The following ELFN1 variants were observed in gnomAD, a reference collection of about 807,000 sequenced individuals.
ELFN1 encodes extracellular leucine rich repeat and fibronectin type III domain containing 1.
In ELFN1, 6 loss-of-function variants were observed where a neutral mutation model predicts 7.6. The observed-to-expected ratio is 0.79, with a 90% confidence interval of 0.43 to 1.56. The LOEUF is 1.56. Ranked by LOEUF, ELFN1 falls within the 40% of genes most tolerant of loss-of-function variation. The pLI, the probability that ELFN1 is intolerant of heterozygous loss-of-function variation, is 0.01. For missense variants in ELFN1, 1,169 were observed against 1,232.2 expected (o/e 0.95, Z 0.77); for synonymous variants, 657 against 588.1 (o/e 1.12, Z -1.70).
intron 1 of ELFN1, among the ~76,000 whole-genome samples, chr7:1,677,337 C>T (rs1404315581): frequency 2.0e-5 from 3 of 152,176 alleles, no homozygotes; most frequent in Admixed American, 2.0e-4. Flanking sequence ...AAGTGGGGCT[C>T]AGGGCCCATT....
At chr7:1,710,365 G>C (rs774189517) in intron 3 of ELFN1, among the ~76,000 whole-genome samples, 8 of 152,218 alleles carry the variant, frequency 5.3e-5, no homozygotes, top group Non-Finnish European at 1.2e-4. Context: ...CTTTTAGAGG[G>C]AGGTATCTCA....
intron 3 of ELFN1, among the ~76,000 whole-genome samples, chr7:1,743,948 A>G (rs1412115564): frequency 6.6e-6 from 1 of 152,144 alleles, no homozygotes; most frequent in East Asian, 1.9e-4. Flanking sequence ...GGTTGCGCCG[A>G]GAGTGAAATG....
intron 3 of ELFN1, among the ~76,000 whole-genome samples, chr7:1,732,097 G>C (rs1386108073): frequency 2.6e-5 from 4 of 152,222 alleles, no homozygotes; most frequent in African/African-American, 9.6e-5. Context: ...TCTAGGTGGA[G>C]ATAGATGGGA....
upstream of ELFN1, among the ~76,000 whole-genome samples, chr7:1,666,566 C>A (rs528533157): frequency 9.2e-5 from 14 of 152,086 alleles, no homozygotes; most frequent in South Asian, 2.9e-3. This position sits in a 1 kb window ranked among gnomAD's most constrained non-coding sequence, Gnocchi z 7.9. Context: ...ACCCCTAGGG[C>A]TAGGGAGGCG....
At chr7:1,677,584 A>G (rs561965024) in intron 1 of ELFN1, among the ~76,000 whole-genome samples, 1 of 152,214 alleles carries the variant, frequency 6.6e-6, no homozygotes, top group Admixed American at 6.5e-5. Flanking sequence ...ACACACGTGC[A>G]TGAACTCACG....
chr7:1,667,969 G>C (rs951652421), upstream of ELFN1, among the ~76,000 whole-genome samples: 13 of 143,470 alleles, frequency 9.1e-5, no homozygotes, highest in Non-Finnish European at 1.9e-4. This position sits in a 1 kb window ranked among gnomAD's most constrained non-coding sequence, Gnocchi z 8.2. Context: ...TCGGGGTGGG[G>C]GGGGGGGGCG....
At chr7:1,743,728 G>A (rs529220521) in intron 3 of ELFN1, among the ~76,000 whole-genome samples, 4 of 152,206 alleles carry the variant, frequency 2.6e-5, no homozygotes, top group Admixed American at 6.5e-5. Context: ...CGGACCCTGC[G>A]GTGAGTGCGC....
intron 1 of ELFN1, among the ~76,000 whole-genome samples, chr7:1,676,261 C>T (rs905012137): frequency 1.3e-5 from 2 of 152,208 alleles, no homozygotes; most frequent in African/African-American, 2.4e-5. Flanking sequence ...TGACAGACTG[C>T]CCCTGTGTCT....
At chr7:1,687,232 T>A (rs1485868682) in intron 1 of ELFN1, among the ~76,000 whole-genome samples, 1 of 152,188 alleles carries the variant, frequency 6.6e-6, no homozygotes, top group Non-Finnish European at 1.5e-5. Flanking sequence ...TTTGGTTAAT[T>A]TCAAGGATGT....
At chr7:1,691,347 C>A (rs1779159782) in intron 2 of ELFN1, among the ~76,000 whole-genome samples, 1 of 152,168 alleles carries the variant, frequency 6.6e-6, no homozygotes, top group Admixed American at 6.5e-5. Context: ...CCCAAGGCTG[C>A]CACCTTCTGC....
chr7:1,690,487 G>A (rs1346584862), intron 2 of ELFN1, among the ~76,000 whole-genome samples: 1 of 151,722 alleles, frequency 6.6e-6, no homozygotes, highest in African/African-American at 2.4e-5. Flanking sequence ...TGAGTGGGTG[G>A]GTAGATAAGT....
chr7:1,676,931 C>A (rs187515641), intron 1 of ELFN1, among the ~76,000 whole-genome samples: 1 of 152,072 alleles, frequency 6.6e-6, no homozygotes, highest in Non-Finnish European at 1.5e-5. Context: ...CCTCTGATGT[C>A]GACGGAGAAA....
intron 3 of ELFN1, among the ~76,000 whole-genome samples, chr7:1,743,606 C>T (rs893495040): frequency 6.6e-6 from 1 of 152,172 alleles, no homozygotes; most frequent in Non-Finnish European, 1.5e-5. Flanking sequence ...CGAGCTCAGA[C>T]CGAGACCTGG....
intron 3 of ELFN1, among the ~76,000 whole-genome samples, chr7:1,722,897 C>T (rs1410814005): frequency 6.6e-6 from 1 of 152,134 alleles, no homozygotes; most frequent in Admixed American, 6.5e-5. Flanking sequence ...CCCTCTTTCT[C>T]TTTAAAAATT....
chr7:1,693,295 G>C (rs925972399), intron 2 of ELFN1: 1 of 455,422 alleles, frequency 2.2e-6, no homozygotes, highest in Non-Finnish European at 4.7e-6. Context: ...GGAAAGGAAC[G>C]CCCATCGGGG....
At chr7:1,742,220 G>T (rs1225335284) in intron 3 of ELFN1, 1 of 152,256 alleles carries the variant, frequency 6.6e-6, no homozygotes, top group Non-Finnish European at 1.5e-5. Flanking sequence ...TTGACTTTGG[G>T]TTATTTTGAG....
chr7:1,724,127 A>G (rs1414338485), intron 3 of ELFN1, among the ~76,000 whole-genome samples: 2 of 152,208 alleles, frequency 1.3e-5, no homozygotes, highest in African/African-American at 4.8e-5. Flanking sequence ...AAATAACAGC[A>G]CAGACGTCAC....
chr7:1,675,274 G>T (rs994242498), intron 1 of ELFN1, among the ~76,000 whole-genome samples: 4 of 152,230 alleles, frequency 2.6e-5, no homozygotes, highest in African/African-American at 9.6e-5. Flanking sequence ...TGCTGACCGC[G>T]CTGAGAGCTT....
chr7:1,669,064 C>T (rs1193244960), upstream of ELFN1, among the ~76,000 whole-genome samples: 1 of 152,236 alleles, frequency 6.6e-6, no homozygotes, highest in East Asian at 1.9e-4. Context: ...CAGCTCAGAG[C>T]CCACTCTCCG....
Sources: gnomAD v4.1 joint callset for allele counts (sites outside exome capture counted in the v4.1 genomes callset) on GRCh38, gnomAD v4.1.1 for gene constraint, Gnocchi (gnomAD v3.1) non-coding constraint, MANE v1.5 for transcripts, NCBI Gene and HGNC (gene_info 2026-07-23, HGNC 2026-07-21) for gene names.